Variants in NONO observed in about 807,000 individuals in gnomAD.
NONO encodes the protein non-POU domain-containing octamer-binding protein.
In NONO, 6 loss-of-function variants were observed where a neutral mutation model predicts 40.2. That is an observed-to-expected ratio of 0.15 (90% CI 0.08 to 0.29). The LOEUF is 0.29. NONO is among the 10% of genes least tolerant of loss of function. NONO has a pLI of 1.00. For missense variants in NONO, 133 were observed against 397.8 expected (o/e 0.33, Z 5.66); for synonymous variants, 89 against 123.3 (o/e 0.72, Z 1.85).
At chrX:71,286,415 G>C (rs1412088385) in intron 2 of NONO, among the ~76,000 whole-genome samples, 1 of 111,465 alleles carries the variant, frequency 9.0e-6, no homozygotes, top group Non-Finnish European at 1.9e-5. Context: ...CTGTAGGCAA[G>C]AATCTGCTTT....
Position 71,283,698 on chromosome X carries a change from C to T in NONO, c.-90C>T, listed in dbSNP as rs2031123677. The stretch of plus-strand genomic sequence containing the variant: ...AGGCCGTGTAGCGTCGCCGTTACTC[C>T]GAGGAGATACCAGTCGGTAGAGGGT... On this transcript the variant is annotated 5_prime_UTR_variant, in exon 1 of 12. Coordinates refer to ENST00000276079, the MANE Select transcript of NONO (RefSeq NM_007363.5). The T allele has an allele frequency of 9.0e-6, 1 of 111,252 alleles. No individual in the cohort carries two copies. Among genetic ancestry groups the T allele is most frequent in the South Asian group, 3.8e-4 (1 of 2,609 alleles). 9.2% of individuals were successfully genotyped at this position (111,252 alleles called of 1,213,427 possible).
chrX:71,298,548 T>C lies in NONO; in HGVS notation c.1171+40T>C, dbSNP rs1357783632. The stretch of plus-strand genomic sequence containing the variant: ...GGTTAATGGCTCTGATTTCCTTTTT[T>C]GTTTGGTCTTGGGTGAACTATGTAG... On this transcript the variant is annotated intron_variant, in intron 10 of 11. Coordinates refer to ENST00000276079, the MANE Select transcript of NONO (RefSeq NM_007363.5). 7.8e-6 allele frequency: 9 copies of C among 1,156,882 alleles called. No homozygotes were observed. The South Asian group carries it at 1.4e-4, about 18-fold the overall frequency.
chrX:71,293,643 T>G (rs2031372694), intron 4 of NONO, among the ~76,000 whole-genome samples: 2 of 110,004 alleles, frequency 1.8e-5, no homozygotes, highest in Admixed American at 9.6e-5. Flanking sequence ...TTTGTTTTCG[T>G]TTTTTTGAGA....
In NONO at chrX:71,289,795, C is replaced by T. The variant is rs896320979; in HGVS notation, c.-9-834C>T. On this transcript the variant is annotated intron_variant, in intron 2 of 11. Transcript: ENST00000276079. Reference sequence around the variant, plus strand: ...TTTGTTTTGTTTTGTTTTTTGGAGACGGAGTCTCACTCTGTCACCAGGCTG... The same window carrying T: ...TTTGTTTTGTTTTGTTTTTTGGAGATGGAGTCTCACTCTGTCACCAGGCTG... 6.4e-5 allele frequency among the ~76,000 whole-genome samples: 7 copies of T among 109,059 alleles called. No individual in the cohort carries two copies. In the South Asian group the frequency reaches 2.0e-3, roughly 31 times the overall value. The allele number at this position is 109,059 out of a possible 115,157, so 94.7% of individuals were successfully genotyped here. A position where few individuals can be genotyped will look rare whatever the true frequency, so the allele number is the denominator to read the frequency against.
chrX:71,290,247 C>G (rs1019379474), intron 2 of NONO, among the ~76,000 whole-genome samples: 1 of 111,365 alleles, frequency 9.0e-6, no homozygotes, highest in Non-Finnish European at 1.9e-5. Flanking sequence ...TGAGGTTTCA[C>G]CATGTTGCCC....
chrX:71,284,624 TG>T (rs547628213), intron 2 of NONO, among the ~76,000 whole-genome samples, 171 bp downstream of exon 2: 1 of 111,899 alleles, frequency 8.9e-6, no homozygotes, highest in East Asian at 2.8e-4. Flanking sequence ...GCAACTCTAG[TG>T]GGGGGGCCCT....
chrX:71,287,865 CTTTT>C (rs748090354), intron 2 of NONO, among the ~76,000 whole-genome samples: 10 of 87,290 alleles, frequency 1.1e-4, no homozygotes, highest in African/African-American at 4.2e-4. Flanking sequence ...CCCCCCTACC[CTTTT>C]TTTTTTTTTT....
At chrX:71,297,351 A>G (rs369108222) in intron 7 of NONO, 26 bp from the exon 8 acceptor site, 1 of 1,116,611 alleles carries the variant, frequency 9.0e-7, no homozygotes, top group African/African-American at 1.8e-5. Flanking sequence ...ACAATGAGGA[A>G]TATTCTTAGT....
intron 4 of NONO, chrX:71,292,356 C>T (rs990282081): frequency 9.0e-6 from 1 of 111,556 alleles, no homozygotes; most frequent in Non-Finnish European, 1.9e-5. Context: ...TGTCACCACA[C>T]CCGGCTAATT....
intron 3 of NONO, among the ~76,000 whole-genome samples, chrX:71,291,165 C>T (rs1370798099): frequency 6.2e-5 from 7 of 112,239 alleles, no homozygotes; most frequent in Non-Finnish European, 1.1e-4. Flanking sequence ...TACTTTTAGC[C>T]TTGAGCCTGT....
rs764146644 is a variant in NONO at position 71,295,993 on chromosome X, C to CCGT, written c.651-571_651-570insGTC. Reference sequence around the variant, plus strand: ...TGCCTGCAGTATCTCTTAGTGTTTACCACAAGTCATTTCTCAGAGTGTCTG... The same window carrying CCGT: ...TGCCTGCAGTATCTCTTAGTGTTTACCGTCACAAGTCATTTCTCAGAGTGTCTG... On this transcript the variant is annotated intron_variant, in intron 5 of 11. Coordinates refer to ENST00000276079, the MANE Select transcript of NONO (RefSeq NM_007363.5). Among the ~76,000 whole-genome samples the CCGT allele has an allele frequency of 3.6e-5, 4 of 110,967 alleles. No homozygotes were observed. In the Admixed American group the frequency reaches 3.9e-4, roughly 11 times the overall value.
chrX:71,284,079 G>A (rs2031135542), intron 1 of NONO: 1 of 111,777 alleles, frequency 8.9e-6, no homozygotes, highest in South Asian at 3.7e-4. Context: ...AGAGGAGGAG[G>A]CGCTTTGTCG....
chrX:71,294,904 G>A (rs1336073380), intron 5 of NONO, among the ~76,000 whole-genome samples: 1 of 105,009 alleles, frequency 9.5e-6, no homozygotes. Flanking sequence ...GGGCAACAGA[G>A]TGAAACTGCC....
intron 2 of NONO, among the ~76,000 whole-genome samples, chrX:71,289,431 A>G (rs1460374012): frequency 9.1e-6 from 1 of 109,387 alleles, no homozygotes; most frequent in African/African-American, 3.3e-5. Context: ...AGCCAGGACT[A>G]CAGGCGCCTG....
In NONO at chrX:71,300,856, T is replaced by TA. The variant is rs890401869; in HGVS notation, c.*789dup. ...AGAGATTTTCATTTTAGTGTATCTTTAAAAAAAAATCTTGTGTTAACTTGC... is the reference window on the plus strand; with the variant it reads ...AGAGATTTTCATTTTAGTGTATCTTTAAAAAAAAAATCTTGTGTTAACTTGC... On this transcript the variant is annotated 3_prime_UTR_variant, in exon 12 of 12. Transcript: ENST00000276079. The TA allele has an allele frequency of 1.3e-4, 20 of 157,344 alleles. No individual in the cohort carries two copies. The highest frequency in any genetic ancestry group is 1.4e-4 in the Non-Finnish European group (11 of 81,088). The allele number at this position is 157,344 out of a possible 1,213,427, so 13.0% of individuals were successfully genotyped here. A position where few individuals can be genotyped will look rare whatever the true frequency, so the allele number is the denominator to read the frequency against.
At chrX:71,297,677 G>A (rs1056403135) in intron 8 of NONO, 159 bp from the exon 9 acceptor site, 6 of 492,603 alleles carry the variant, frequency 1.2e-5, no homozygotes, top group Non-Finnish European at 2.0e-5. Context: ...GGTCTCATGA[G>A]GTTTCTTTGG....
chrX:71,286,790 CG>C (rs1172567860), intron 2 of NONO, among the ~76,000 whole-genome samples: 3 of 111,655 alleles, frequency 2.7e-5, no homozygotes, highest in Non-Finnish European at 5.6e-5. Flanking sequence ...AACACTTTCA[CG>C]GGTGTAGTTT....
rs982184269 is a variant in NONO, at chrX:71,301,027, C to T, written c.*951C>T. On this transcript the variant is annotated 3_prime_UTR_variant, in exon 12 of 12. Coordinates refer to ENST00000276079, the MANE Select transcript of NONO (RefSeq NM_007363.5). Reference sequence around the variant, plus strand: ...AAGGTCTGACAGTAGCTCTTAGACTCGCCTATCTTAGGTAGTCATGCTGTG... The same window carrying T: ...AAGGTCTGACAGTAGCTCTTAGACTTGCCTATCTTAGGTAGTCATGCTGTG... 3.3e-5 allele frequency: 5 copies of T among 152,529 alleles called. No individual in the cohort carries two copies. Among genetic ancestry groups the T allele is most frequent in the South Asian group, 3.4e-4 (1 of 2,935 alleles). 12.6% of individuals were successfully genotyped at this position (152,529 alleles called of 1,213,427 possible). A position where few individuals can be genotyped will look rare whatever the true frequency, so the allele number is the denominator to read the frequency against.
rs1196644325 is a variant in NONO, at chrX:71,300,637, C to T, written c.*561C>T. 1.6e-5 allele frequency: 3 copies of T among 182,297 alleles called. No homozygotes were observed. The highest frequency in any genetic ancestry group is 3.0e-5 in the African/African-American group (1 of 33,085). 15.0% of individuals were successfully genotyped at this position (182,297 alleles called of 1,213,427 possible). On this transcript the variant is annotated 3_prime_UTR_variant, in exon 12 of 12. Coordinates refer to ENST00000276079, the MANE Select transcript of NONO (RefSeq NM_007363.5). ...ACCTCACTTGCTTCTTATCCTTACA[C>T]TCCCCCAGCCCCAGAGAAACTGCCA...
Sources: allele counts gnomAD v4.1 joint callset (sites outside exome capture counted in the v4.1 genomes callset), GRCh38; gene constraint gnomAD v4.1.1; transcripts MANE v1.5; gene names NCBI Gene and HGNC (gene_info 2026-07-23, HGNC 2026-07-21).